Variants in CCPG1 observed in about 807,000 individuals in gnomAD.
CCPG1 encodes the protein cell cycle progression protein 1.
In CCPG1, 46 loss-of-function variants were observed where a neutral mutation model predicts 81.3. That is an observed-to-expected ratio of 0.57 (90% CI 0.45 to 0.72). The LOEUF is 0.72. CCPG1 is among the 30% of genes least tolerant of loss of function. The pLI, the probability that CCPG1 is intolerant of heterozygous loss-of-function variation, is 0.00. For missense variants in CCPG1, 902 were observed against 937.6 expected, an observed-to-expected ratio of 0.96 and a Z score of 0.50; for synonymous variants, 330 against 305.2, an observed-to-expected ratio of 1.08 and a Z score of -0.85.
chr15:55,386,109 G>T (rs1273312854), intron 2 of CCPG1, among the ~76,000 whole-genome samples: 1 of 151,732 alleles, frequency 6.6e-6, no homozygotes, highest in Non-Finnish European at 1.5e-5. Flanking sequence ...TTCAAATCTG[G>T]CTGGGCACGG....
chr15:55,377,118 G>C lies in CCPG1; in HGVS notation c.285C>G (p.Ile95Met), dbSNP rs767211305. The C allele has an allele frequency of 2.7e-5, 43 of 1,613,252 alleles. No homozygotes were observed. The highest frequency in any genetic ancestry group is 2.3e-4 in the Admixed American group (14 of 59,998). ...AEEQKIPEDS[I>M]YIGTASDDSD... is the part of the protein sequence containing the mutation. ...AATCATCACTGGCAGTTCCAATATAGATACTGTCTTCGGGTATCTTTTGTT... is the reference window on the plus strand; with the variant it reads ...AATCATCACTGGCAGTTCCAATATACATACTGTCTTCGGGTATCTTTTGTT... The change falls in exon 5 of 9, where the codon ATC becomes ATG. Residue 95 changes from isoleucine to methionine, a missense_variant. Transcript: ENST00000442196.
In CCPG1 at chr15:55,375,793, C is replaced by A. The variant is rs374742445; in HGVS notation, c.454+1156G>T. Among the ~76,000 whole-genome samples, 3 of 151,834 alleles carry A rather than the reference C, an allele frequency of 2.0e-5. No individual in the cohort carries two copies. The East Asian group carries it at 5.8e-4, about 30-fold the overall frequency. The stretch of plus-strand genomic sequence containing the variant: ...CACTACAGCCTCAACCTCCCAGGCT[C>A]AAGCAATCCTCCCACCTCAGCCTCC... On this transcript the variant is annotated intron_variant, in intron 5 of 8. Coordinates refer to ENST00000442196, the MANE Select transcript of CCPG1 (RefSeq NM_001204450.2).
chr15:55,365,403 A>C (rs2141253080), intron 6 of CCPG1, 94 bp from the exon 7 acceptor site: 2 of 695,162 alleles, frequency 2.9e-6, no homozygotes, highest in Middle Eastern at 4.4e-4. Context: ...CATATAAGCT[A>C]TGTAGTCTTT....
At chr15:55,403,649 G>A (rs566857880) in intron 1 of CCPG1, among the ~76,000 whole-genome samples, 1 of 152,256 alleles carries the variant, frequency 6.6e-6, no homozygotes, top group South Asian at 2.1e-4. Context: ...TTTATCTGAT[G>A]CAATACATTG....
intron 7 of CCPG1, among the ~76,000 whole-genome samples, chr15:55,363,799 C>CTTTTTTTTTTTTTTT (rs565044184): frequency 1.3e-4 from 12 of 93,936 alleles, no homozygotes; most frequent in African/African-American, 5.4e-4. Flanking sequence ...TTTCCTTTTC[C>CTTTTTTTTTTTTTTT]TTTTTTTTTT....
At chr15:55,378,789 G>A (rs1595843051) in intron 3 of CCPG1, among the ~76,000 whole-genome samples, 1 of 152,012 alleles carries the variant, frequency 6.6e-6, no homozygotes. Flanking sequence ...TAGAGATAGG[G>A]TTTTACCATG....
At chr15:55,365,419 G>GTTTTTTTTTTTTTGTTTTTTTTTTTT (rs111247245) in intron 6 of CCPG1, 110 bp from the exon 7 acceptor site, 4 of 446,360 alleles carry the variant, frequency 9.0e-6, no homozygotes, top group Admixed American at 4.6e-5. Context: ...TCTTTTTTTT[G>GTTTTTTTTTTTTTGTTTTTTTTTTTT]TTTTTTTTTT....
In CCPG1 at chr15:55,359,940, T is replaced by C; in HGVS notation, c.1833A>G (p.Lys611=). 2 of 1,613,196 alleles carry C rather than the reference T, an allele frequency of 1.2e-6. No homozygotes were observed. Among genetic ancestry groups the C allele is most frequent in the South Asian group, 1.1e-5 (1 of 90,846 alleles). Residue 611 remains lysine, a synonymous_variant, in exon 8 of 9, where the codon AAA becomes AAG. Transcript: ENST00000442196. ...CTCTACAATCATGCCCAGGACTGCATTTCTTTGAATTTGTATTTTTTCTGA... is the reference window on the plus strand; with the variant it reads ...CTCTACAATCATGCCCAGGACTGCACTTCTTTGAATTTGTATTTTTTCTGA... ...KEFRKNTNSK[K]CSPGHDCREN...
At chr15:55,404,354 A>G (rs1448559376) in intron 1 of CCPG1, among the ~76,000 whole-genome samples, 1 of 152,222 alleles carries the variant, frequency 6.6e-6, no homozygotes, top group Non-Finnish European at 1.5e-5. Flanking sequence ...AAAAAAAGAA[A>G]AATGTACTGT....
intron 2 of CCPG1, among the ~76,000 whole-genome samples, chr15:55,388,688 G>C (rs769271340): frequency 2.4e-4 from 37 of 152,096 alleles, no homozygotes; most frequent in South Asian, 2.1e-4. Context: ...AGGAGTTAAA[G>C]GTTACATGGT....
chr15:55,368,487 T>C (rs2056377648), intron 6 of CCPG1, among the ~76,000 whole-genome samples: 1 of 152,176 alleles, frequency 6.6e-6, no homozygotes, highest in East Asian at 1.9e-4. Context: ...CTAGATATCT[T>C]GTTATATAAT....
chr15:55,379,526 C>G (rs1267039144), intron 3 of CCPG1, among the ~76,000 whole-genome samples: 1 of 151,156 alleles, frequency 6.6e-6, no homozygotes, highest in Non-Finnish European at 1.5e-5. Context: ...GACTATGTCT[C>G]AAAAAAAAGT....
chr15:55,397,082 C>G (rs4774210), intron 1 of CCPG1, among the ~76,000 whole-genome samples: 2 of 151,456 alleles, frequency 1.3e-5, no homozygotes, highest in Middle Eastern at 3.2e-3. Flanking sequence ...GGCGTGGTAG[C>G]GGGCGCCTGT....
At chr15:55,365,421 TTTTTTTTTTTG>T (rs924046511) in intron 6 of CCPG1, 112 bp from the exon 7 acceptor site, 111 of 342,628 alleles carry the variant, frequency 3.2e-4, no homozygotes, top group Non-Finnish European at 4.6e-4. Context: ...TTTTTTTTGT[TTTTTTTTTTTG>T]TTTTTTTTTT....
intron 1 of CCPG1, among the ~76,000 whole-genome samples, chr15:55,391,138 A>G (rs140692948): frequency 1.3e-5 from 2 of 152,130 alleles, no homozygotes; most frequent in African/African-American, 4.8e-5. Flanking sequence ...CTTTATTTTG[A>G]GTGTGACAGG....
chr15:55,358,259 G>C (rs1224830538), intron 8 of CCPG1: 3 of 518,334 alleles, frequency 5.8e-6, no homozygotes, highest in Non-Finnish European at 7.4e-6. Context: ...TTGTAAAGAA[G>C]GAAAAAGAAA....
chr15:55,403,583 A>G (rs2057165139), intron 1 of CCPG1, among the ~76,000 whole-genome samples: 1 of 152,154 alleles, frequency 6.6e-6, no homozygotes, highest in Admixed American at 6.6e-5. Flanking sequence ...AATCCTTCCC[A>G]TATCATAGGG....
In CCPG1 at chr15:55,360,841, CTT is replaced by C; in HGVS notation, c.930_931del (p.Arg311SerfsTer25). On this transcript the variant is annotated frameshift_variant, in exon 8 of 9. Coordinates refer to ENST00000442196, the MANE Select transcript of CCPG1 (RefSeq NM_001204450.2). LOFTEE classifies it high-confidence loss of function. ...TTTTTCTTCCTTCTCCAAGGATACT[CTT>C]AAATACTGATTTTCTGTAGCAAGGT... The C allele has an allele frequency of 6.2e-7, 1 of 1,609,234 alleles. No homozygotes were observed. Among genetic ancestry groups the C allele is most frequent in the Non-Finnish European group, 8.5e-7 (1 of 1,178,766 alleles).
At chr15:55,387,538 T>A (rs2056824339) in intron 2 of CCPG1, among the ~76,000 whole-genome samples, 1 of 152,050 alleles carries the variant, frequency 6.6e-6, no homozygotes, top group South Asian at 2.1e-4. Context: ...AAAACAAAAA[T>A]TTTTTAATTT....
Sources: gnomAD v4.1 joint callset for allele counts (sites outside exome capture counted in the v4.1 genomes callset) on GRCh38, gnomAD v4.1.1 for gene constraint, MANE v1.5 for transcripts, NCBI Gene and HGNC (gene_info 2026-07-23, HGNC 2026-07-21) for gene names.